KCNIP4: variants seen among roughly 807,000 people sequenced by gnomAD.
KCNIP4 encodes the protein potassium voltage-gated channel interacting protein 4.
Under a neutral mutation model 34.0 loss-of-function variants are expected in KCNIP4, and 12 were observed. The ratio of observed to expected loss-of-function variants is 0.35; its 90% CI spans 0.23 to 0.57. The LOEUF (loss-of-function observed/expected upper bound fraction) is 0.57, where lower values mean the gene tolerates loss of function less well. Among genes scored for constraint, KCNIP4 ranks in the 20% least tolerant of loss-of-function variants. The pLI, the probability that KCNIP4 is intolerant of heterozygous loss-of-function variation, is 0.83. For missense variants in KCNIP4, 238 were observed against 311.7 expected (o/e 0.76, Z 1.78); for synonymous variants, 124 against 102.2 (o/e 1.21, Z -1.29).
At chr4:21,531,195 C>T (rs914970659) in intron 1 of KCNIP4, among the ~76,000 whole-genome samples, 5 of 152,152 alleles carry the variant, frequency 3.3e-5, no homozygotes, top group African/African-American at 9.7e-5. Flanking sequence ...CAAGTGAAAA[C>T]CAACCTGCTT....
At chr4:21,888,584 C>T (rs1042471023) in intron 1 of KCNIP4, among the ~76,000 whole-genome samples, 1 of 152,060 alleles carries the variant, frequency 6.6e-6, no homozygotes, top group Non-Finnish European at 1.5e-5. Context: ...TCTCCTCAAC[C>T]GTTTTCCTTT....
At chr4:21,127,504 T>A (rs1750722742) in intron 1 of KCNIP4, among the ~76,000 whole-genome samples, 1 of 152,182 alleles carries the variant, frequency 6.6e-6, no homozygotes, top group African/African-American at 2.4e-5. Flanking sequence ...TGCACTTCCA[T>A]CTTACCTGAC....
At chr4:21,427,203 A>G (rs1386564670) in intron 1 of KCNIP4, among the ~76,000 whole-genome samples, 1 of 152,086 alleles carries the variant, frequency 6.6e-6, no homozygotes, top group Non-Finnish European at 1.5e-5. Context: ...AGAAAAAGGT[A>G]TGATTTACTT....
At chr4:21,724,707 C>G (rs994944260) in intron 1 of KCNIP4, among the ~76,000 whole-genome samples, 2 of 151,970 alleles carry the variant, frequency 1.3e-5, no homozygotes, top group Non-Finnish European at 2.9e-5. Flanking sequence ...TTAGTAAATA[C>G]ATGCACTTTA....
intron 1 of KCNIP4, among the ~76,000 whole-genome samples, chr4:21,055,799 A>G (rs558438109): frequency 6.6e-6 from 1 of 152,354 alleles, no homozygotes; most frequent in East Asian, 1.9e-4. Flanking sequence ...AGGGATAAAC[A>G]GGTGACACAC....
intron 1 of KCNIP4, among the ~76,000 whole-genome samples, chr4:21,650,375 T>C (rs772365093): frequency 9.2e-5 from 14 of 152,186 alleles, no homozygotes; most frequent in Non-Finnish European, 2.1e-4. Context: ...GTATGTAATA[T>C]GGGAGGACAC....
rs115380923 is a variant in KCNIP4 at position 21,230,834 on chromosome 4, G to A, written c.62-348125C>T. Among the ~76,000 whole-genome samples the A allele has an allele frequency of 3.1e-3, 466 of 152,210 alleles. 5 individuals are homozygous for A. The highest frequency in any genetic ancestry group is 0.01 in the Middle Eastern group (3 of 294). On this transcript the variant is annotated intron_variant, in intron 1 of 8. Coordinates refer to ENST00000382152, the MANE Select transcript of KCNIP4 (RefSeq NM_025221.6). ...TGCTGCAATGAACATACAGGTGAAT[G>A]TATCTTTATAATAGAATGATTTATA...
At chr4:20,929,446 G>A (rs146120889) in intron 1 of KCNIP4, among the ~76,000 whole-genome samples, 1,973 of 152,066 alleles carry the variant, frequency 0.013, 19 homozygotes, top group South Asian at 0.035. Flanking sequence ...GTGGGAAACA[G>A]TTGAAAGCTT....
intron 1 of KCNIP4, among the ~76,000 whole-genome samples, chr4:21,371,658 T>C (rs1994984): frequency 0.91 from 132,896 of 146,602 alleles, 61,621 homozygotes; most frequent in Non-Finnish European, 0.96. Context: ...TGTTATTCTA[T>C]ATAGCATCTT....
At chr4:21,291,875 G>A (rs867446006) in intron 1 of KCNIP4, among the ~76,000 whole-genome samples, 16 of 10,604 alleles carry the variant, frequency 1.5e-3, no homozygotes, top group African/African-American at 4.7e-3. Context: ...AAAAAAGAAA[G>A]AAAGAAAGAA....
chr4:21,312,074 T>C (rs527659601), intron 1 of KCNIP4, among the ~76,000 whole-genome samples: 1 of 152,180 alleles, frequency 6.6e-6, no homozygotes, highest in African/African-American at 2.4e-5. Flanking sequence ...TAAGAATAAA[T>C]AGCAAACACA....
At chr4:21,542,206 A>C (rs1039888312) in intron 1 of KCNIP4, among the ~76,000 whole-genome samples, 2 of 152,088 alleles carry the variant, frequency 1.3e-5, no homozygotes, top group African/African-American at 4.8e-5. Context: ...CAATGTGCCA[A>C]CTCATCTAGT....
intron 1 of KCNIP4, among the ~76,000 whole-genome samples, chr4:21,768,405 T>C (rs12646630): frequency 0.49 from 74,840 of 151,872 alleles, 20,359 homozygotes; most frequent in Non-Finnish European, 0.63. Context: ...AATTCCGATT[T>C]AAGTACCCAA....
At chr4:21,111,776 G>A (rs1749192714) in intron 1 of KCNIP4, among the ~76,000 whole-genome samples, 1 of 152,158 alleles carries the variant, frequency 6.6e-6, no homozygotes, top group Admixed American at 6.5e-5. Context: ...GAATGAACAG[G>A]ACAGGGTGGA....
rs368971941 is a variant in KCNIP4 at position 21,573,856 on chromosome 4, G to T, written c.61+374715C>A. Among the ~76,000 whole-genome samples the T allele has an allele frequency of 1.7e-3, 256 of 152,274 alleles. 10 individuals carry two copies. In the South Asian group the frequency reaches 0.047, roughly 28 times the overall value. ...TGGAAACTGGATAGACTGGGACATTGTTCCTGTTGGCTTATGTGCCTTATT... is the reference window on the plus strand; with the variant it reads ...TGGAAACTGGATAGACTGGGACATTTTTCCTGTTGGCTTATGTGCCTTATT... On this transcript the variant is annotated intron_variant, in intron 1 of 8. Transcript: ENST00000382152.
chr4:21,813,571 T>C (rs55842595), intron 1 of KCNIP4, among the ~76,000 whole-genome samples: 15,084 of 152,090 alleles, frequency 0.099, 2,508 homozygotes, highest in African/African-American at 0.34. Flanking sequence ...CCATTTGTAC[T>C]CATGATAAAT....
chr4:21,821,994 T>A (rs116307532), intron 1 of KCNIP4, among the ~76,000 whole-genome samples: 1 of 152,120 alleles, frequency 6.6e-6, no homozygotes, highest in Non-Finnish European at 1.5e-5. Context: ...CTAAAGCTAA[T>A]GTTTACAAAA....
At chr4:21,062,751 G>T (rs1192352911) in intron 1 of KCNIP4, among the ~76,000 whole-genome samples, 1 of 152,076 alleles carries the variant, frequency 6.6e-6, no homozygotes, top group Admixed American at 6.6e-5. Context: ...GACCCAGGAA[G>T]AGCTGATGTT....
chr4:20,922,660 GTTTC>G (rs1206161184), intron 1 of KCNIP4, among the ~76,000 whole-genome samples: 4 of 151,938 alleles, frequency 2.6e-5, no homozygotes, highest in African/African-American at 7.3e-5. Flanking sequence ...CTGAACTTCA[GTTTC>G]TTTATCTGAA....
Sources: allele counts gnomAD v4.1 joint callset (sites outside exome capture counted in the v4.1 genomes callset), GRCh38; gene constraint gnomAD v4.1.1; transcripts MANE v1.5; gene names NCBI Gene and HGNC (gene_info 2026-07-23, HGNC 2026-07-21).